The following RNF6 variants were observed in gnomAD, a reference collection of about 807,000 sequenced individuals.
RNF6 encodes ring finger protein 6, also known as E3 ubiquitin-protein ligase RNF6.
RNF6 carries 21 observed loss-of-function variants against 50.1 expected under a neutral mutation model. That is an observed-to-expected ratio of 0.42 (90% confidence interval 0.30 to 0.60). RNF6 has a LOEUF of 0.60. Ranked by LOEUF, RNF6 falls within the 20% of genes least tolerant of loss-of-function variation. The pLI, the probability that RNF6 is intolerant of heterozygous loss-of-function variation, is 0.20. For synonymous variants in RNF6, 255 were observed against 291.8 expected, an observed-to-expected ratio of 0.87 and a Z score of 1.29; for missense variants, 698 against 838.2, an observed-to-expected ratio of 0.83 and a Z score of 2.07.
chr13:26,178,461 G>A lies in RNF6; in HGVS notation n.768+37013C>T, dbSNP rs537468380. Among the ~76,000 whole-genome samples the A allele has an allele frequency of 4.8e-5, 7 of 144,336 alleles. No individual in the cohort carries two copies. The East Asian group carries it at 8.6e-4, about 18-fold the overall frequency. 94.7% of individuals were successfully genotyped at this position (144,336 alleles called of 152,430 possible). Reference sequence around the variant, plus strand: ...CCTAAACACCTCCCAAAGGCCCCACGTCCTAATACCATCATCTGGGGGATT... The same window carrying A: ...CCTAAACACCTCCCAAAGGCCCCACATCCTAATACCATCATCTGGGGGATT... On this transcript the variant is annotated intron_variant and non_coding_transcript_variant, in intron 5 of 5. Transcript: ENST00000468480.
At position 26,213,898 on chromosome 13, in the gene RNF6, A is replaced by G; in HGVS notation, c.1984T>C (p.Trp662Arg). 1 of 1,613,754 alleles carries G rather than the reference A, an allele frequency of 6.2e-7. No homozygotes were observed. The highest frequency in any genetic ancestry group is 1.3e-5 in the African/African-American group (1 of 75,036). ...HEFHIHCIDR[W>R]LSENCTCPIC... is the part of the protein sequence containing the mutation. ...GGACAAGTGCAATTCTCTGAGAGCCATCGGTCAATACAATGAATGTGAAAT... is the reference window on the plus strand; with the variant it reads ...GGACAAGTGCAATTCTCTGAGAGCCGTCGGTCAATACAATGAATGTGAAAT... Residue 662 changes from tryptophan (W) to arginine (R), a missense_variant, in exon 5 of 5, where the codon TGG becomes CGG. Coordinates refer to ENST00000381588, the MANE Select transcript of RNF6 (RefSeq NM_005977.4).
downstream of RNF6, among the ~76,000 whole-genome samples, chr13:26,210,050 TA>T (rs1478238915): frequency 6.6e-6 from 1 of 152,106 alleles, no homozygotes; most frequent in African/African-American, 2.4e-5. Context: ...TCACTGAAAA[TA>T]ACTCGCAATC....
At chr13:26,153,736 T>A (rs372723574) in intron 5 of RNF6, among the ~76,000 whole-genome samples, 27 of 152,288 alleles carry the variant, frequency 1.8e-4, no homozygotes, top group African/African-American at 5.8e-4. Context: ...TTCCTTTAAA[T>A]TTTTTATTTC....
At chr13:26,139,258 A>C (rs1593140901) in intron 5 of RNF6, among the ~76,000 whole-genome samples, 1 of 152,072 alleles carries the variant, frequency 6.6e-6, no homozygotes, top group Non-Finnish European at 1.5e-5. Context: ...ACTAGAGACC[A>C]CCGCCATAGC....
At chr13:26,151,316 G>T (rs1203394274) in intron 5 of RNF6, among the ~76,000 whole-genome samples, 1 of 151,406 alleles carries the variant, frequency 6.6e-6, no homozygotes, top group Non-Finnish European at 1.5e-5. Flanking sequence ...AGGCTGGAGT[G>T]CAGTGGTGCT....
At chr13:26,192,677 C>G (rs918584474) in intron 5 of RNF6, among the ~76,000 whole-genome samples, 1 of 152,218 alleles carries the variant, frequency 6.6e-6, no homozygotes, top group Non-Finnish European at 1.5e-5. Flanking sequence ...TGGCAAGGAA[C>G]TTAGGGTGGC....
intron 5 of RNF6, among the ~76,000 whole-genome samples, chr13:26,145,436 A>C (rs1871173403): frequency 2.2e-5 from 2 of 92,450 alleles, no homozygotes; most frequent in East Asian, 3.7e-4. Flanking sequence ...GTAGGAGGTG[A>C]CTGAATCATG....
intron 5 of RNF6, among the ~76,000 whole-genome samples, chr13:26,188,957 A>C (rs983390192): frequency 4.6e-5 from 7 of 152,228 alleles, no homozygotes; most frequent in Admixed American, 3.9e-4. Flanking sequence ...GGTTGTATGC[A>C]AACTGATTAT....
At chr13:26,170,332 T>C (rs529427607) in intron 5 of RNF6, among the ~76,000 whole-genome samples, 2 of 152,098 alleles carry the variant, frequency 1.3e-5, no homozygotes, top group Non-Finnish European at 2.9e-5. Flanking sequence ...AGGTGAAGAA[T>C]TCAAAAGCAC....
At chr13:26,201,845 A>G (rs1183063235) in intron 5 of RNF6, among the ~76,000 whole-genome samples, 4 of 152,146 alleles carry the variant, frequency 2.6e-5, no homozygotes, top group Non-Finnish European at 5.9e-5. Flanking sequence ...TTACGTTACA[A>G]CCCAAAAGTT....
chr13:26,194,421 C>G (rs1868578573), intron 5 of RNF6, among the ~76,000 whole-genome samples: 1 of 152,134 alleles, frequency 6.6e-6, no homozygotes. Flanking sequence ...AGTCCAGAGG[C>G]ATAGGCTCGC....
chr13:26,174,192 C>T (rs1872839887), intron 5 of RNF6, among the ~76,000 whole-genome samples: 1 of 152,020 alleles, frequency 6.6e-6, no homozygotes, highest in African/African-American at 2.4e-5. Context: ...CCATTTAGGA[C>T]TCAGGCCACT....
At chr13:26,219,276 T>C in intron 3 of RNF6, 181 bp downstream of exon 3, 1 of 535,448 alleles carries the variant, frequency 1.9e-6, no homozygotes, top group East Asian at 3.0e-5. Flanking sequence ...TTTCACCTTA[T>C]AAAATACAGA....
intron 5 of RNF6, among the ~76,000 whole-genome samples, chr13:26,179,211 A>G (rs926577772): frequency 2.0e-5 from 3 of 152,212 alleles, no homozygotes; most frequent in Non-Finnish European, 4.4e-5. Context: ...TCTAGCTGCC[A>G]TAGCAGTCAT....
chr13:26,206,562 T>A (rs1364877494), intron 5 of RNF6, among the ~76,000 whole-genome samples: 1 of 152,236 alleles, frequency 6.6e-6, no homozygotes, highest in African/African-American at 2.4e-5. Flanking sequence ...ATATGGGTTA[T>A]ATACATTTTC....
intron 5 of RNF6, among the ~76,000 whole-genome samples, chr13:26,189,747 G>C (rs1272819402): frequency 6.6e-6 from 1 of 152,114 alleles, no homozygotes; most frequent in Non-Finnish European, 1.5e-5. Context: ...TTCACAGTCT[G>C]CTTAATAAAC....
At chr13:26,204,512 A>AAAG (rs1869025770) in intron 5 of RNF6, among the ~76,000 whole-genome samples, 3 of 148,816 alleles carry the variant, frequency 2.0e-5, no homozygotes, top group South Asian at 4.2e-4. Flanking sequence ...AAAAAAAAAA[A>AAAG]AAAGAAAGAA....
chr13:26,186,728 C>T (rs1447124021), intron 5 of RNF6, among the ~76,000 whole-genome samples: 1 of 152,006 alleles, frequency 6.6e-6, no homozygotes, highest in Non-Finnish European at 1.5e-5. Context: ...GGCGCTAGAG[C>T]GCCGGCTCCG....
intron 5 of RNF6, among the ~76,000 whole-genome samples, chr13:26,156,193 A>C (rs1282947964): frequency 6.6e-6 from 1 of 152,240 alleles, no homozygotes; most frequent in African/African-American, 2.4e-5. Context: ...AAAGAGAAAG[A>C]AATAAAATCA....
Sources: gnomAD v4.1 joint callset for allele counts (sites outside exome capture counted in the v4.1 genomes callset) on GRCh38, gnomAD v4.1.1 for gene constraint, MANE v1.5 for transcripts, NCBI Gene and HGNC (gene_info 2026-07-23, HGNC 2026-07-21) for gene names.